Variants in PRKG1 observed in about 807,000 individuals in gnomAD.
The protein encoded by PRKG1 is cGMP-dependent protein kinase 1.
PRKG1 carries 35 observed loss-of-function variants against 88.1 expected under a neutral mutation model. That is an observed-to-expected ratio of 0.40 (90% CI 0.30 to 0.53). The LOEUF (loss-of-function observed/expected upper bound fraction) is 0.53. Ranked by LOEUF, PRKG1 falls within the 20% of genes least tolerant of loss-of-function variation. The probability of loss-of-function intolerance (pLI) is 0.59; values close to 1 mark genes in which losing one functional copy is unlikely to be tolerated. For synonymous variants in PRKG1, 303 were observed against 292.5 expected, an observed-to-expected ratio of 1.04 and a Z score of -0.37; for missense variants, 540 against 839.8, an observed-to-expected ratio of 0.64 and a Z score of 4.41.
intron 1 of PRKG1, chr10:51,062,973 C>G (rs1398700337): frequency 6.6e-6 from 1 of 152,120 alleles, no homozygotes; most frequent in Non-Finnish European, 1.5e-5. Flanking sequence ...TACAAATAAG[C>G]TATTAATTTT....
At chr10:52,181,064 T>G (rs954966114) in intron 9 of PRKG1, among the ~76,000 whole-genome samples, 1 of 152,190 alleles carries the variant, frequency 6.6e-6, no homozygotes, top group Non-Finnish European at 1.5e-5. Flanking sequence ...AAGGCTATTT[T>G]TCAGACTTGG....
intron 4 of PRKG1, among the ~76,000 whole-genome samples, chr10:51,844,352 T>C (rs1840350051): frequency 1.3e-5 from 2 of 152,118 alleles, no homozygotes; most frequent in Non-Finnish European, 2.9e-5. Context: ...ATAAAAATTA[T>C]ACTAGTAAGA....
At chr10:51,137,024 A>G (rs1339121621) in intron 1 of PRKG1, among the ~76,000 whole-genome samples, 1 of 151,972 alleles carries the variant, frequency 6.6e-6, no homozygotes, top group Non-Finnish European at 1.5e-5. Context: ...AGCTGGGACT[A>G]CAGGCGCCCG....
intron 1 of PRKG1, among the ~76,000 whole-genome samples, chr10:50,993,551 C>T (rs1480423255): frequency 6.6e-6 from 1 of 152,232 alleles, no homozygotes; most frequent in Non-Finnish European, 1.5e-5. Context: ...TCAATCTGCC[C>T]ACCTCCTTAA....
chr10:51,877,101 T>C (rs1295470208), intron 4 of PRKG1, among the ~76,000 whole-genome samples: 1 of 152,066 alleles, frequency 6.6e-6, no homozygotes, highest in Non-Finnish European at 1.5e-5. Flanking sequence ...TTAGGTCCTT[T>C]CTTAGGATTG....
intron 10 of PRKG1, among the ~76,000 whole-genome samples, chr10:52,254,656 G>C (rs1029255349): frequency 6.6e-6 from 1 of 151,926 alleles, no homozygotes; most frequent in African/African-American, 2.4e-5. Flanking sequence ...GTGTGTGAAG[G>C]TAGTTACACC....
At chr10:51,904,927 C>T (rs1186988827) in intron 4 of PRKG1, among the ~76,000 whole-genome samples, 1 of 151,984 alleles carries the variant, frequency 6.6e-6, no homozygotes, top group Non-Finnish European at 1.5e-5. Context: ...TAGGAATAGC[C>T]AGAGCCTAAA....
chr10:51,239,101 A>G (rs1435123223), intron 2 of PRKG1, among the ~76,000 whole-genome samples: 1 of 152,164 alleles, frequency 6.6e-6, no homozygotes, highest in Non-Finnish European at 1.5e-5. Context: ...ATATTACAAG[A>G]TTGGAGTTCG....
rs574469249 is a variant in PRKG1, at chr10:51,408,969, A to C, written c.479-58754A>C. On this transcript the variant is annotated intron_variant, in intron 2 of 17. Transcript: ENST00000373980. ...CAGATTTCTTTGCCGCCAATTTTCC[A>C]ATCATGCTTCTTCCAAGTCCCTGAC... Among the ~76,000 whole-genome samples, 346 of 152,290 alleles carry C rather than the reference A, an allele frequency of 2.3e-3. 4 individuals are homozygous for C. The Middle Eastern group carries it at 0.037, about 16-fold the overall frequency.
upstream of PRKG1, among the ~76,000 whole-genome samples, chr10:51,071,542 A>G (rs1298886113): frequency 6.6e-6 from 1 of 152,190 alleles, no homozygotes; most frequent in East Asian, 1.9e-4. Context: ...GACTCTCAAT[A>G]TCAGATTCAT....
At chr10:51,546,351 C>G (rs1161979239) in intron 3 of PRKG1, among the ~76,000 whole-genome samples, 1 of 151,960 alleles carries the variant, frequency 6.6e-6, no homozygotes, top group Non-Finnish European at 1.5e-5. Context: ...ATAGCTGTTG[C>G]AATTGTCTTT....
chr10:51,660,589 C>G (rs1336451724), intron 3 of PRKG1, among the ~76,000 whole-genome samples: 1 of 152,106 alleles, frequency 6.6e-6, no homozygotes, highest in Admixed American at 6.6e-5. Flanking sequence ...ATACTCATTT[C>G]CCTACCTCAG....
At chr10:51,582,926 G>A (rs1308381565) in intron 3 of PRKG1, among the ~76,000 whole-genome samples, 1 of 152,072 alleles carries the variant, frequency 6.6e-6, no homozygotes, top group Non-Finnish European at 1.5e-5. Context: ...CAAATTAAAA[G>A]ATAAATTGGA....
intron 2 of PRKG1, among the ~76,000 whole-genome samples, chr10:51,334,922 A>G (rs1472304061): frequency 6.6e-6 from 1 of 151,956 alleles, no homozygotes; most frequent in Non-Finnish European, 1.5e-5. Flanking sequence ...TTTTCTATTA[A>G]GGGAAAAACA....
chr10:51,853,853 C>T (rs1840616962), intron 4 of PRKG1, among the ~76,000 whole-genome samples: 1 of 152,108 alleles, frequency 6.6e-6, no homozygotes, highest in Admixed American at 6.6e-5. Context: ...TAATCACACA[C>T]TGGAATTTTA....
chr10:51,186,283 T>A (rs928602507), intron 2 of PRKG1, among the ~76,000 whole-genome samples: 1 of 151,902 alleles, frequency 6.6e-6, no homozygotes, highest in African/African-American at 2.4e-5. Context: ...ATTTTTATAT[T>A]TTTCTCATTT....
At chr10:51,938,728 G>A (rs1589437137) in intron 5 of PRKG1, among the ~76,000 whole-genome samples, 2 of 151,914 alleles carry the variant, frequency 1.3e-5, no homozygotes, top group South Asian at 2.1e-4. Flanking sequence ...GTACTTCTCT[G>A]GAGTCAGAGT....
At position 52,203,155 on chromosome 10, in the gene PRKG1, C is replaced by A. The variant is rs192013356; in HGVS notation, c.1076+41192C>A. On this transcript the variant is annotated intron_variant, in intron 9 of 17. Coordinates refer to ENST00000373980, the MANE Select transcript of PRKG1 (RefSeq NM_006258.4). ...AACTTTTTAATGTGGCCATTTAGTG[C>A]TGTAAACTCTCCTTTTAACCCTGCT... 3.9e-5 allele frequency among the ~76,000 whole-genome samples: 6 copies of A among 152,136 alleles called. No homozygotes were observed. In the East Asian group the frequency reaches 1.2e-3, roughly 30 times the overall value.
At chr10:51,164,374 C>T (rs902649178) in intron 2 of PRKG1, among the ~76,000 whole-genome samples, 9 of 152,158 alleles carry the variant, frequency 5.9e-5, no homozygotes, top group African/African-American at 1.7e-4. Context: ...ACAGAAAGGA[C>T]ATCCACACCA....
Sources: allele counts gnomAD v4.1 joint callset (sites outside exome capture counted in the v4.1 genomes callset), GRCh38; gene constraint gnomAD v4.1.1; transcripts MANE v1.5; gene names NCBI Gene and HGNC (gene_info 2026-07-23, HGNC 2026-07-21).